Variants in MSRA observed in about 807,000 individuals in gnomAD.
MSRA encodes methionine sulfoxide reductase A, also known as mitochondrial peptide methionine sulfoxide reductase.
A neutral mutation model predicts 31.3 loss-of-function variants in MSRA; 54 were observed. The observed-to-expected ratio is 1.73, with a 90% confidence interval of 1.39 to 2.17. The LOEUF (loss-of-function observed/expected upper bound fraction) is 2.17. MSRA is among the 30% of genes most tolerant of loss of function. MSRA has a pLI of 0.00. For synonymous variants in MSRA, 169 were observed against 116.5 expected (o/e 1.45, Z -2.90); for missense variants, 507 against 300.9 (o/e 1.69, Z -5.07).
intron 5 of MSRA, among the ~76,000 whole-genome samples, chr8:10,339,088 C>A (rs1803243211): frequency 6.6e-6 from 1 of 152,152 alleles, no homozygotes; most frequent in Non-Finnish European, 1.5e-5. Flanking sequence ...TGAACCTTGA[C>A]TGCAGAGATA....
At chr8:10,372,792 G>T (rs938386392) in intron 5 of MSRA, among the ~76,000 whole-genome samples, 1 of 152,222 alleles carries the variant, frequency 6.6e-6, no homozygotes, top group Non-Finnish European at 1.5e-5. Context: ...AGTCAAGATA[G>T]ACAACTAAAA....
At chr8:10,314,625 C>G (rs1481171411) in intron 4 of MSRA, among the ~76,000 whole-genome samples, 2 of 152,200 alleles carry the variant, frequency 1.3e-5, no homozygotes, top group Non-Finnish European at 2.9e-5. Flanking sequence ...CATGCAAACA[C>G]TATACAGCAA....
chr8:10,138,604 C>A (rs1255552865), intron 1 of MSRA, among the ~76,000 whole-genome samples: 1 of 152,146 alleles, frequency 6.6e-6, no homozygotes, highest in African/African-American at 2.4e-5. Flanking sequence ...AAGAATATTT[C>A]CTATTTTCCC....
intron 2 of MSRA, among the ~76,000 whole-genome samples, chr8:10,228,684 T>C (rs1252719946): frequency 6.6e-6 from 1 of 152,184 alleles, no homozygotes; most frequent in African/African-American, 2.4e-5. Context: ...TTCATGGGAA[T>C]CCAGAGTCTG....
intron 1 of MSRA, among the ~76,000 whole-genome samples, chr8:10,189,135 T>C (rs1807301686): frequency 6.6e-6 from 1 of 152,222 alleles, no homozygotes; most frequent in African/African-American, 2.4e-5. Context: ...TTATGTAAAG[T>C]ACTTCTTTTA....
intron 1 of MSRA, among the ~76,000 whole-genome samples, chr8:10,199,188 T>G (rs1231366021): frequency 6.6e-6 from 1 of 152,136 alleles, no homozygotes; most frequent in Non-Finnish European, 1.5e-5. Flanking sequence ...GGCCGCTGGG[T>G]TCCTCTTGCA....
In MSRA at chr8:10,283,802, CAT is replaced by C. The variant is rs375322603; in HGVS notation, c.332-17698_332-17697del. Among the ~76,000 whole-genome samples, 147 of 46,142 alleles carry C rather than the reference CAT, an allele frequency of 3.2e-3. No homozygotes were observed. The East Asian group carries it at 0.046, about 14-fold the overall frequency. The allele number at this position is 46,142 out of a possible 152,430, so 30.3% of individuals were successfully genotyped here. A position where few individuals can be genotyped will look rare whatever the true frequency, so the allele number is the denominator to read the frequency against. ...TTTTTGGTTGAGTAGTATTCTATCT[CAT>C]ATATATATATATATATATATATATA... On this transcript the variant is annotated intron_variant, in intron 3 of 5. Transcript: ENST00000317173.
intron 1 of MSRA, among the ~76,000 whole-genome samples, chr8:10,150,955 C>T (rs947914075): frequency 4.6e-5 from 7 of 151,918 alleles, no homozygotes; most frequent in African/African-American, 1.7e-4. Flanking sequence ...CTGGACACCA[C>T]TGGTGGTATT....
intron 4 of MSRA, among the ~76,000 whole-genome samples, chr8:10,306,933 G>C (rs555703251): frequency 6.6e-6 from 1 of 152,184 alleles, no homozygotes; most frequent in Non-Finnish European, 1.5e-5. Flanking sequence ...CAGTCTTAGC[G>C]ATAGATGTTT....
In MSRA at chr8:10,137,132, C is replaced by T. The variant is rs533744832; in HGVS notation, c.143-70701C>T. Reference sequence around the variant, plus strand: ...GGCACACATTTAACAGAACAAAGCTCGTCTGCTTTGCTGGGACGATGGGTG... The same window carrying T: ...GGCACACATTTAACAGAACAAAGCTTGTCTGCTTTGCTGGGACGATGGGTG... On this transcript the variant is annotated intron_variant, in intron 1 of 5. Transcript: ENST00000317173. Among the ~76,000 whole-genome samples the T allele has an allele frequency of 2.0e-4, 30 of 152,314 alleles. No individual in the cohort carries two copies. The South Asian group carries it at 5.8e-3, about 29-fold the overall frequency.
chr8:10,214,916 C>T (rs1271250001), intron 2 of MSRA, among the ~76,000 whole-genome samples: 1 of 152,128 alleles, frequency 6.6e-6, no homozygotes, highest in African/African-American at 2.4e-5. Flanking sequence ...GAGAAAGAGA[C>T]CTTTGAAAAC....
At chr8:10,413,527 A>G (rs1465716286) in intron 5 of MSRA, among the ~76,000 whole-genome samples, 2 of 152,236 alleles carry the variant, frequency 1.3e-5, no homozygotes, top group Non-Finnish European at 2.9e-5. Context: ...ACATGACGGT[A>G]TCCGTTACTA....
intron 1 of MSRA, among the ~76,000 whole-genome samples, chr8:10,118,466 G>A (rs1049609459): frequency 2.0e-5 from 3 of 152,022 alleles, no homozygotes; most frequent in Non-Finnish European, 4.4e-5. Flanking sequence ...AATGCTACAG[G>A]CCTGATCCAT....
At chr8:10,398,712 C>T (rs1807256731) in intron 5 of MSRA, among the ~76,000 whole-genome samples, 1 of 152,244 alleles carries the variant, frequency 6.6e-6, no homozygotes, top group East Asian at 1.9e-4. Context: ...GTCCAGCGGT[C>T]TGCCAGCTGG....
chr8:10,083,716 C>T (rs1191471330), intron 1 of MSRA, among the ~76,000 whole-genome samples: 2 of 152,108 alleles, frequency 1.3e-5, no homozygotes, highest in African/African-American at 4.8e-5. Context: ...GTTTTATCTG[C>T]TATCCTGTTT....
intron 1 of MSRA, among the ~76,000 whole-genome samples, chr8:10,106,739 A>T (rs1799907195): frequency 6.6e-6 from 1 of 152,150 alleles, no homozygotes; most frequent in African/African-American, 2.4e-5. Context: ...GAATATAGTA[A>T]GTTGGTGCTT....
chr8:10,058,575 AC>A (rs35430785), intron 1 of MSRA, among the ~76,000 whole-genome samples: 32,761 of 152,196 alleles, frequency 0.22, 3,726 homozygotes, highest in Admixed American at 0.3. Flanking sequence ...AAGATTATCT[AC>A]CAAATATTTA....
At chr8:10,399,976 T>C (rs1244963337) in intron 5 of MSRA, among the ~76,000 whole-genome samples, 1 of 152,128 alleles carries the variant, frequency 6.6e-6, no homozygotes, top group Non-Finnish European at 1.5e-5. Context: ...GTGAGGCCTT[T>C]CCTGACAAGG....
intron 1 of MSRA, among the ~76,000 whole-genome samples, chr8:10,198,907 G>C (rs112209084): frequency 0.018 from 2,739 of 152,272 alleles, 87 homozygotes; most frequent in African/African-American, 0.063. Flanking sequence ...CGTTTCATGT[G>C]CCATGAGCAG....
Sources: allele counts gnomAD v4.1 joint callset (sites outside exome capture counted in the v4.1 genomes callset), GRCh38; gene constraint gnomAD v4.1.1; transcripts MANE v1.5; gene names NCBI Gene and HGNC (gene_info 2026-07-23, HGNC 2026-07-21).